SLC22A9: variants seen among roughly 807,000 people sequenced by gnomAD.
SLC22A9 encodes the protein organic anion transporter 7.
Under a neutral mutation model 50.1 loss-of-function variants are expected in SLC22A9, and 64 were observed. The observed-to-expected ratio is 1.28, with a 90% CI of 1.04 to 1.57. The LOEUF is 1.57. Among genes scored for constraint, SLC22A9 ranks in the 40% most tolerant of loss-of-function variants. SLC22A9 has a pLI of 0.00. For missense variants in SLC22A9, 757 were observed against 676.1 expected (o/e 1.12, Z -1.33); for synonymous variants, 261 against 242.5 (o/e 1.08, Z -0.71).
At chr11:63,408,307 G>C (rs1356214664) in intron 8 of SLC22A9, 87 bp downstream of exon 8, 1 of 993,786 alleles carries the variant, frequency 1.0e-6, no homozygotes, top group South Asian at 1.4e-5. Flanking sequence ...ATCTAAGACT[G>C]GTTCATTAAG....
intron 6 of SLC22A9, among the ~76,000 whole-genome samples, chr11:63,390,432 A>G (rs557970601): frequency 9.9e-5 from 15 of 152,268 alleles, no homozygotes; most frequent in African/African-American, 3.6e-4. Context: ...TTAGATTGGG[A>G]ATCCTTTCCC....
intron 6 of SLC22A9, among the ~76,000 whole-genome samples, chr11:63,405,474 A>G (rs1184661613): frequency 2.6e-5 from 4 of 152,224 alleles, no homozygotes; most frequent in African/African-American, 7.2e-5. Flanking sequence ...TGAAAACGTA[A>G]TAAAAACTAT....
chr11:63,382,058 G>A, intron 5 of SLC22A9, 101 bp from the exon 6 acceptor site: 2 of 713,952 alleles, frequency 2.8e-6, no homozygotes, highest in Admixed American at 2.5e-5. Context: ...CAGACAGAAA[G>A]TGCAGTCAAC....
At chr11:63,404,658 C>T (rs666353) in intron 6 of SLC22A9, among the ~76,000 whole-genome samples, 3,550 of 152,246 alleles carry the variant, frequency 0.023, 146 homozygotes, top group African/African-American at 0.082. Context: ...ACAGTGTTCA[C>T]GCAATACTTT....
chr11:63,393,425 A>G (rs1300753680), intron 6 of SLC22A9, among the ~76,000 whole-genome samples: 2 of 152,124 alleles, frequency 1.3e-5, no homozygotes, highest in Admixed American at 1.3e-4. Context: ...CAATCATATC[A>G]TCAGCAAACA....
chr11:63,381,154 C>T (rs1056642181), intron 5 of SLC22A9, among the ~76,000 whole-genome samples: 3 of 152,132 alleles, frequency 2.0e-5, no homozygotes, highest in African/African-American at 4.8e-5. Context: ...CTAGACAACC[C>T]TCTAACCTAA....
At chr11:63,379,724 T>TTTTTG (rs770506150) in intron 5 of SLC22A9, among the ~76,000 whole-genome samples, 25 of 152,154 alleles carry the variant, frequency 1.6e-4, no homozygotes, top group South Asian at 2.1e-4. Context: ...CAAACAGTTG[T>TTTTTG]TTTTGTTTTG....
rs149658509 is a variant in SLC22A9 at position 63,404,954 on chromosome 11, C to G, written c.1074-1543C>G. 7.9e-5 allele frequency among the ~76,000 whole-genome samples: 12 copies of G among 152,084 alleles called. No homozygotes were observed. In the East Asian group the frequency reaches 2.3e-3, roughly 29 times the overall value. On this transcript the variant is annotated intron_variant, in intron 6 of 9. Coordinates refer to ENST00000279178, the MANE Select transcript of SLC22A9 (RefSeq NM_080866.3). Reference sequence around the variant, plus strand: ...AATTCAAAGATGTCTACTTACAGATCCTGGGAAAGGAGAGAATAATGAATT... The same window carrying G: ...AATTCAAAGATGTCTACTTACAGATGCTGGGAAAGGAGAGAATAATGAATT...
At chr11:63,409,652 G>A (rs1384028370) in intron 9 of SLC22A9, 150 bp from the exon 10 acceptor site, 1 of 709,920 alleles carries the variant, frequency 1.4e-6, no homozygotes, top group Non-Finnish European at 2.3e-6. Context: ...ACTTCACAAG[G>A]TTTACTCAAT....
chr11:63,386,753 A>C (rs1207906986), intron 6 of SLC22A9, among the ~76,000 whole-genome samples: 3 of 151,128 alleles, frequency 2.0e-5, no homozygotes, highest in African/African-American at 4.9e-5. Context: ...TATATATTTT[A>C]TTAATTTTTT....
intron 4 of SLC22A9, 140 bp downstream of exon 4, chr11:63,374,202 C>G (rs183283742): frequency 2.0e-5 from 15 of 736,722 alleles, no homozygotes; most frequent in Non-Finnish European, 3.0e-5. Context: ...ATGTGCAATA[C>G]AAGAAGCAGA....
At chr11:63,380,318 C>T (rs938288475) in intron 5 of SLC22A9, among the ~76,000 whole-genome samples, 1 of 152,044 alleles carries the variant, frequency 6.6e-6, no homozygotes, top group African/African-American at 2.4e-5. Context: ...ACCATTCGAC[C>T]CAGCAATCTA....
At chr11:63,379,913 G>A (rs2014530807) in intron 5 of SLC22A9, among the ~76,000 whole-genome samples, 1 of 152,034 alleles carries the variant, frequency 6.6e-6, no homozygotes, top group Non-Finnish European at 1.5e-5. Flanking sequence ...TGTATTTTTA[G>A]TACAGATGGG....
At chr11:63,402,496 A>T (rs781172906) in intron 6 of SLC22A9, among the ~76,000 whole-genome samples, 35 of 152,152 alleles carry the variant, frequency 2.3e-4, no homozygotes, top group Non-Finnish European at 4.3e-4. Context: ...TGCCAGTATC[A>T]TGCTGTTTTC....
chr11:63,400,543 A>G (rs12282281), intron 6 of SLC22A9, among the ~76,000 whole-genome samples: 8,414 of 152,152 alleles, frequency 0.055, 344 homozygotes, highest in African/African-American at 0.11. Context: ...TCAAAGAACA[A>G]TCTAGAACCT....
In SLC22A9 at chr11:63,369,974, A is replaced by C; in HGVS notation, c.-83A>C. ...GATCAAAACACATTTAGTGTGACTT[A>C]GGGAAAGAAAACATTTTCCCTCTTT... is the stretch of plus-strand genomic sequence containing the variant. On this transcript the variant is annotated 5_prime_UTR_variant, in exon 1 of 10. Transcript: ENST00000279178. The C allele has an allele frequency of 7.3e-7, 1 of 1,369,236 alleles. No homozygotes were observed. Among genetic ancestry groups the C allele is most frequent in the African/African-American group, 1.4e-5 (1 of 69,104 alleles). The allele number at this position is 1,369,236 out of a possible 1,614,324, so 84.8% of individuals were successfully genotyped here. A position where few individuals can be genotyped will look rare whatever the true frequency, so the allele number is the denominator to read the frequency against.
At chr11:63,404,744 A>T (rs1004579546) in intron 6 of SLC22A9, among the ~76,000 whole-genome samples, 1 of 152,094 alleles carries the variant, frequency 6.6e-6, no homozygotes, top group African/African-American at 2.4e-5. Flanking sequence ...GCTTGTTTAT[A>T]CTGGCAGATG....
intron 6 of SLC22A9, among the ~76,000 whole-genome samples, chr11:63,399,454 G>A (rs1591026104): frequency 6.6e-6 from 1 of 152,044 alleles, no homozygotes. Context: ...AACAGACAAA[G>A]GAGATCATTA....
At chr11:63,381,311 T>A (rs2014556615) in intron 5 of SLC22A9, among the ~76,000 whole-genome samples, 1 of 152,128 alleles carries the variant, frequency 6.6e-6, no homozygotes, top group Admixed American at 6.6e-5. Context: ...AGATAAAAAA[T>A]TTTAGGTGTT....
Sources: allele counts gnomAD v4.1 joint callset (sites outside exome capture counted in the v4.1 genomes callset), GRCh38; gene constraint gnomAD v4.1.1; transcripts MANE v1.5; gene names NCBI Gene and HGNC (gene_info 2026-07-23, HGNC 2026-07-21).